SYNCRIP: variants seen among roughly 807,000 people sequenced by gnomAD.
The protein encoded by SYNCRIP is heterogeneous nuclear ribonucleoprotein Q.
SYNCRIP carries 9 observed loss-of-function variants against 68.9 expected under a neutral mutation model. That is an observed-to-expected ratio of 0.13 (90% CI 0.08 to 0.23). SYNCRIP has a LOEUF of 0.23. SYNCRIP is among the 10% of genes least tolerant of loss of function. SYNCRIP has a pLI of 1.00. For synonymous variants in SYNCRIP, 258 were observed against 254.0 expected (o/e 1.02, Z -0.15); for missense variants, 414 against 770.6 (o/e 0.54, Z 5.48).
intron 8 of SYNCRIP, among the ~76,000 whole-genome samples, chr6:85,619,958 A>C (rs1316622166): frequency 1.3e-5 from 2 of 152,180 alleles, no homozygotes; most frequent in Non-Finnish European, 2.9e-5. Flanking sequence ...TGTAACTGCC[A>C]AAAATTTGCC....
intron 6 of SYNCRIP, among the ~76,000 whole-genome samples, chr6:85,634,641 G>C (rs1186098580): frequency 6.6e-6 from 1 of 151,788 alleles, no homozygotes; most frequent in Non-Finnish European, 1.5e-5. Flanking sequence ...CTGAAACTGT[G>C]AATGCAGGAC....
chr6:85,641,968 G>A (rs1809215040), intron 1 of SYNCRIP, among the ~76,000 whole-genome samples: 13 of 151,544 alleles, frequency 8.6e-5, no homozygotes, highest in Admixed American at 8.5e-4. Flanking sequence ...CCCTGACTCC[G>A]CACCCAGAGC....
Position 85,637,270 on chromosome 6 carries a change from T to G in SYNCRIP, c.462A>C (p.Ser154=). 6.2e-7 allele frequency: 1 copy of G among 1,614,152 alleles called. No homozygotes were observed. The highest frequency in any genetic ancestry group is 8.5e-7 in the Non-Finnish European group (1 of 1,180,000). The change falls in exon 5 of 11, where the codon TCA becomes TCC. Residue 154 remains serine, a synonymous_variant. Coordinates refer to ENST00000369622, the MANE Select transcript of SYNCRIP (RefSeq NM_006372.5). ...YGGPPPDSVY[S]GQQPSVGTEI... Reference sequence around the variant, plus strand: ...CAGTGCCAACAGAAGGCTGCTGACCTGAATAAACGGAATCTGGAGGTGGTC... The same window carrying G: ...CAGTGCCAACAGAAGGCTGCTGACCGGAATAAACGGAATCTGGAGGTGGTC...
rs1806389318 is a variant in SYNCRIP, at chr6:85,621,462, A to G, written c.1008+1020T>C. Among the ~76,000 whole-genome samples, 2 of 152,108 alleles carry G rather than the reference A, an allele frequency of 1.3e-5. 1 individual carries two copies. Among genetic ancestry groups the G allele is most frequent in the South Asian group, 4.1e-4 (2 of 4,826 alleles). On this transcript the variant is annotated intron_variant, in intron 8 of 10. Transcript: ENST00000369622. The stretch of plus-strand genomic sequence containing the variant: ...CTGCCTCTACAAAATTTTTTAAAAA[A>G]ATTAGCCAGGTGTGGTAGTACACAC...
At chr6:85,618,540 C>T (rs1235112024) in intron 10 of SYNCRIP, among the ~76,000 whole-genome samples, 1 of 151,966 alleles carries the variant, frequency 6.6e-6, no homozygotes, top group Non-Finnish European at 1.5e-5. Context: ...GACTCTGTCA[C>T]CCAATACAAA....
Position 85,632,006 on chromosome 6 carries a change from G to T in SYNCRIP, c.666+4961C>A, listed in dbSNP as rs574163148. ...GCTAGATTATCATCATTTACAAATG[G>T]ATTTTTTTCATTCCCCAAAATGAAG... On this transcript the variant is annotated intron_variant, in intron 6 of 10. Coordinates refer to ENST00000369622, the MANE Select transcript of SYNCRIP (RefSeq NM_006372.5). 1.4e-4 allele frequency among the ~76,000 whole-genome samples: 21 copies of T among 152,140 alleles called. 1 individual carries two copies. Among genetic ancestry groups the T allele is most frequent in the African/African-American group, 4.8e-4 (20 of 41,420 alleles).
intron 8 of SYNCRIP, 129 bp downstream of exon 8, chr6:85,622,353 G>A (rs1806513690): frequency 2.2e-6 from 2 of 896,012 alleles, no homozygotes; most frequent in South Asian, 1.8e-5. Context: ...TGGGAAACAT[G>A]GGAAACAAGA....
rs1473588186 is a variant in SYNCRIP, at chr6:85,640,563, C to A, written c.150G>T (p.Gly50=). ...AEKLDEIYVA[G]LVAHSDLDER... is the part of the protein sequence containing the mutation. ...CATCTAAATCACTATGTGCAACTAG[C>A]CCTGAAAAAAATAAAAGTTATCAGC... The change falls in exon 3 of 11, where the codon GGG becomes GGT. Residue 50 remains glycine (G), a splice_region_variant and synonymous_variant. Coordinates refer to ENST00000369622, the MANE Select transcript of SYNCRIP (RefSeq NM_006372.5). 6 of 1,550,446 alleles carry A rather than the reference C, an allele frequency of 3.9e-6. No homozygotes were observed. Among genetic ancestry groups the A allele is most frequent in the Middle Eastern group, 2.3e-4 (1 of 4,414 alleles).
Position 85,614,642 on chromosome 6 carries a change from A to T in SYNCRIP, c.*114T>A. 1 of 1,402,412 alleles carries T rather than the reference A, an allele frequency of 7.1e-7. No homozygotes were observed. The allele number at this position is 1,402,412 out of a possible 1,614,324, so 86.9% of individuals were successfully genotyped here. On this transcript the variant is annotated 3_prime_UTR_variant, in exon 11 of 11. Transcript: ENST00000369622. ...GTGTCCAAGCGGATTGTTAAAATAT[A>T]TACATAAAGGGAAATCTTGCCAGAT...
At position 85,624,151 on chromosome 6, in the gene SYNCRIP, T is replaced by TA. The variant is rs1806770110; in HGVS notation, c.667-40dup. 3 of 1,581,312 alleles carry TA rather than the reference T, an allele frequency of 1.9e-6. No individual in the cohort carries two copies. The African/African-American group carries it at 4.1e-5, about 21-fold the overall frequency. ...AAGTGCATCATGTTTTTAAATTACT[T>TA]ATACAACTAGAACAGTTAATTATAA... On this transcript the variant is annotated intron_variant, in intron 6 of 10. Transcript: ENST00000369622.
Position 85,625,323 on chromosome 6 carries a change from GCTA to G in SYNCRIP, c.667-1214_667-1212del, listed in dbSNP as rs1020417495. ...TAAAAAAAGTAAAAAGATGACTCCT[GCTA>G]CTTTCTCCTCTCTCTCTCAAATACC... On this transcript the variant is annotated intron_variant, in intron 6 of 10. Coordinates refer to ENST00000369622, the MANE Select transcript of SYNCRIP (RefSeq NM_006372.5). Among the ~76,000 whole-genome samples the G allele has an allele frequency of 3.2e-4, 48 of 151,060 alleles. No homozygotes were observed. The South Asian group carries it at 7.1e-3, about 22-fold the overall frequency.
chr6:85,628,172 C>T (rs1409004782), intron 6 of SYNCRIP, among the ~76,000 whole-genome samples: 1 of 152,170 alleles, frequency 6.6e-6, no homozygotes, highest in Non-Finnish European at 1.5e-5. Context: ...TCTCCTGCCT[C>T]AGCCTCCCTA....
At chr6:85,628,462 A>C (rs28678343) in intron 6 of SYNCRIP, among the ~76,000 whole-genome samples, 1 of 152,210 alleles carries the variant, frequency 6.6e-6, no homozygotes, top group Non-Finnish European at 1.5e-5. Flanking sequence ...TACCTGGCAC[A>C]CAAGCACATG....
intron 6 of SYNCRIP, among the ~76,000 whole-genome samples, chr6:85,625,380 GTTTT>G (rs747025938): frequency 7.1e-6 from 1 of 141,566 alleles, no homozygotes; most frequent in Non-Finnish European, 1.5e-5. Context: ...AACATACAGG[GTTTT>G]TTTTTTTTTG....
At chr6:85,624,664 T>C (rs1309399741) in intron 6 of SYNCRIP, among the ~76,000 whole-genome samples, 3 of 152,348 alleles carry the variant, frequency 2.0e-5, no homozygotes, top group African/African-American at 7.2e-5. Flanking sequence ...GAAGTAGATT[T>C]GTCATGGCAA....
At chr6:85,638,656 G>T (rs1436199454) in intron 4 of SYNCRIP, among the ~76,000 whole-genome samples, 2 of 152,022 alleles carry the variant, frequency 1.3e-5, no homozygotes, top group South Asian at 4.1e-4. Flanking sequence ...GACACTAACT[G>T]TTTATGAAAA....
chr6:85,620,357 G>A (rs887312531), intron 8 of SYNCRIP, among the ~76,000 whole-genome samples: 1 of 152,148 alleles, frequency 6.6e-6, no homozygotes, highest in East Asian at 1.9e-4. Context: ...ATAGAAACTA[G>A]TTAAAAGCCA....
rs113687098 is a variant in SYNCRIP at position 85,639,002 on chromosome 6, G to A, written c.375+1219C>T. Among the ~76,000 whole-genome samples, 1,218 of 152,306 alleles carry A rather than the reference G, an allele frequency of 8.0e-3. 20 individuals carry two copies. Among genetic ancestry groups the A allele is most frequent in the African/African-American group, 0.028 (1,167 of 41,566 alleles). On this transcript the variant is annotated intron_variant, in intron 4 of 10. Transcript: ENST00000369622. ...AGGTGGGTGGGTCACGAGGTCAAGA[G>A]ATTGAGACCATCCCGGTCAACATGG...
intron 6 of SYNCRIP, among the ~76,000 whole-genome samples, chr6:85,628,128 T>C (rs1016671743): frequency 3.9e-5 from 6 of 152,156 alleles, no homozygotes; most frequent in African/African-American, 1.4e-4. Context: ...CGACTTCAGC[T>C]AACTGCAACC....
Sources: allele counts gnomAD v4.1 joint callset (sites outside exome capture counted in the v4.1 genomes callset), GRCh38; gene constraint gnomAD v4.1.1; transcripts MANE v1.5; gene names NCBI Gene and HGNC (gene_info 2026-07-23, HGNC 2026-07-21).